The following ADGRB1 variants were observed in gnomAD, a reference collection of about 807,000 sequenced individuals.
The protein encoded by ADGRB1 is brain-specific angiogenesis inhibitor 1.
Under a neutral mutation model 175.7 loss-of-function variants are expected in ADGRB1, and 36 were observed. That is an observed-to-expected ratio of 0.20 (90% CI 0.16 to 0.27). The LOEUF (loss-of-function observed/expected upper bound fraction) is 0.27. ADGRB1 is among the 10% of genes least tolerant of loss of function. The probability of loss-of-function intolerance (pLI) is 1.00; values close to 1 mark genes in which losing one functional copy is unlikely to be tolerated. For missense variants in ADGRB1, 1,731 were observed against 2,255.3 expected, an observed-to-expected ratio of 0.77 and a Z score of 4.71; for synonymous variants, 1,054 against 979.4, an observed-to-expected ratio of 1.08 and a Z score of -1.42.
At chr8:142,494,079 C>T (rs1011863023) in intron 17 of ADGRB1, among the ~76,000 whole-genome samples, 2 of 152,120 alleles carry the variant, frequency 1.3e-5, no homozygotes, top group African/African-American at 4.8e-5. Flanking sequence ...GTGAGGAGCA[C>T]AGTGGTTTGT....
At position 142,492,528 on chromosome 8, in the gene ADGRB1, G is replaced by A. The variant is rs1264491640; in HGVS notation, c.2675+1713G>A. On this transcript the variant is annotated intron_variant, in intron 17 of 30. Coordinates refer to ENST00000517894, the MANE Select transcript of ADGRB1 (RefSeq NM_001702.3). This position sits in a 1 kb window ranked among gnomAD's most constrained non-coding sequence, Gnocchi z 4.4. ...AGAGGCCTGGCAAGCACAGCTCTGC[G>A]TGTGAGTGTCTGGGGATGAGCGTCG... is the stretch of plus-strand genomic sequence containing the variant. Among the ~76,000 whole-genome samples the A allele has an allele frequency of 4.6e-5, 7 of 152,196 alleles. No individual in the cohort carries two copies. Among genetic ancestry groups the A allele is most frequent in the East Asian group, 1.9e-4 (1 of 5,174 alleles).
In ADGRB1 at chr8:142,544,612, G is replaced by A. The variant is rs958667802; in HGVS notation, c.*195G>A. The A allele has an allele frequency of 1.5e-5, 9 of 581,776 alleles. No individual in the cohort carries two copies. Among genetic ancestry groups the A allele is most frequent in the African/African-American group, 2.0e-5 (1 of 50,428 alleles). 36.0% of individuals were successfully genotyped at this position (581,776 alleles called of 1,614,324 possible). A position where few individuals can be genotyped will look rare whatever the true frequency, so the allele number is the denominator to read the frequency against. On this transcript the variant is annotated 3_prime_UTR_variant, in exon 31 of 31. Coordinates refer to ENST00000517894, the MANE Select transcript of ADGRB1 (RefSeq NM_001702.3). ...CCAGATGCAGGACAGGAGGCGGCCC[G>A]GCCAGCGGGCACAGGGCACCAGAGG...
Position 142,492,122 on chromosome 8 carries a change from A to G in ADGRB1, c.2675+1307A>G, listed in dbSNP as rs1256311311. 6.6e-6 allele frequency among the ~76,000 whole-genome samples: 1 copy of G among 151,092 alleles called. No homozygotes were observed. Among genetic ancestry groups the G allele is most frequent in the Non-Finnish European group, 1.5e-5 (1 of 67,764 alleles). ...TGTTCTTTAATCTATACCCACTGCCACCACCCTCCACCCACCAACCATCAA... is the reference window on the plus strand; with the variant it reads ...TGTTCTTTAATCTATACCCACTGCCGCCACCCTCCACCCACCAACCATCAA... On this transcript the variant is annotated intron_variant, in intron 17 of 30. Transcript: ENST00000517894. This position sits in a 1 kb window ranked among gnomAD's most constrained non-coding sequence, Gnocchi z 4.4.
rs938192062 is a variant in ADGRB1, at chr8:142,510,989, G to T, written c.2733G>T (p.Thr911=). The change falls in exon 18 of 31, where the codon ACG becomes ACT. Residue 911 remains threonine (T), a synonymous_variant. Coordinates refer to ENST00000517894, the MANE Select transcript of ADGRB1 (RefSeq NM_001702.3). This position sits in a 1 kb window ranked among gnomAD's most constrained non-coding sequence, Gnocchi z 6.3. The part of the protein sequence containing the change: ...LGPWSWRGCR[T]VPLDALRTRC... The stretch of plus-strand genomic sequence containing the variant: ...CCTGGTCGTGGCGCGGCTGCCGCAC[G>T]GTGCCCCTCGACGCCCTCCGGACGC... 2.3e-6 allele frequency: 3 copies of T among 1,290,220 alleles called. No homozygotes were observed. Among genetic ancestry groups the T allele is most frequent in the East Asian group, 5.1e-5 (1 of 19,760 alleles). 79.9% of individuals were successfully genotyped at this position (1,290,220 alleles called of 1,614,324 possible). A position where few individuals can be genotyped will look rare whatever the true frequency, so the allele number is the denominator to read the frequency against.
chr8:142,505,915 G>C (rs1293687255), intron 17 of ADGRB1, among the ~76,000 whole-genome samples: 1 of 152,196 alleles, frequency 6.6e-6, no homozygotes, highest in Non-Finnish European at 1.5e-5. Context: ...AGGGAGGTGG[G>C]GGAGGTGAAG....
chr8:142,518,164 G>A lies in ADGRB1; in HGVS notation c.2844G>A (p.Ser948=), dbSNP rs771132777. 8.7e-6 allele frequency: 14 copies of A among 1,613,720 alleles called. No individual in the cohort carries two copies. Among genetic ancestry groups the A allele is most frequent in the Middle Eastern group, 3.3e-4 (2 of 6,062 alleles). Residue 948 remains serine (S), a synonymous_variant, in exon 19 of 31, where the codon TCG becomes TCA. Coordinates refer to ENST00000517894, the MANE Select transcript of ADGRB1 (RefSeq NM_001702.3). ...DANMEKATLP[S]VTLIVGCGVS... Reference sequence around the variant, plus strand: ...ACATGGAGAAGGCGACTCTGCCGTCGGTGACGCTCATCGTGGGCTGTGGCG... The same window carrying A: ...ACATGGAGAAGGCGACTCTGCCGTCAGTGACGCTCATCGTGGGCTGTGGCG...
chr8:142,541,925 C>T lies in ADGRB1; in HGVS notation c.3707-16C>T. ...CCCCACACCTGTCCCCGCTGTCTCC[C>T]CCGCGGCCCCTGCAGTGCTGAACAA... On this transcript the variant is annotated splice_polypyrimidine_tract_variant and intron_variant, in intron 27 of 30. Transcript: ENST00000517894. 6.5e-7 allele frequency: 1 copy of T among 1,532,720 alleles called. No individual in the cohort carries two copies. Among genetic ancestry groups the T allele is most frequent in the Non-Finnish European group, 8.8e-7 (1 of 1,142,014 alleles). 94.9% of individuals were successfully genotyped at this position (1,532,720 alleles called of 1,614,324 possible).
intron 17 of ADGRB1, among the ~76,000 whole-genome samples, chr8:142,505,179 G>T (rs1000907038): frequency 6.6e-6 from 1 of 152,210 alleles, no homozygotes; most frequent in African/African-American, 2.4e-5. Context: ...CAGGTGCGGG[G>T]TGAGGATCTG....
In ADGRB1 at chr8:142,520,916, C is replaced by T. The variant is rs1843799223; in HGVS notation, c.3015C>T (p.Thr1005=). 2 of 1,613,182 alleles carry T rather than the reference C, an allele frequency of 1.2e-6. No homozygotes were observed. Among genetic ancestry groups the T allele is most frequent in the African/African-American group, 1.3e-5 (1 of 75,022 alleles). ...TCATCCTCATCGGGCAGACCCAGAC[C>T]CGCAACAAGGTAGGCAGCCTTGCGT... ...NALILIGQTQ[T]RNKVVCTLVA... Residue 1005 remains threonine, a synonymous_variant, in exon 20 of 31, where the codon ACC becomes ACT. Coordinates refer to ENST00000517894, the MANE Select transcript of ADGRB1 (RefSeq NM_001702.3).
chr8:142,513,663 C>T (rs1230844073), intron 18 of ADGRB1, among the ~76,000 whole-genome samples: 1 of 152,170 alleles, frequency 6.6e-6, no homozygotes, highest in Non-Finnish European at 1.5e-5. Flanking sequence ...GCTCTGGGTG[C>T]ATGGCCACAG....
intron 24 of ADGRB1, among the ~76,000 whole-genome samples, chr8:142,526,835 G>C (rs1040238096): frequency 6.6e-6 from 1 of 152,242 alleles, no homozygotes; most frequent in African/African-American, 2.4e-5. Flanking sequence ...TTCTCCATCT[G>C]ACCTGGACAG....
chr8:142,526,503 G>GGGCCCCC, intron 23 of ADGRB1, 39 bp from the exon 24 acceptor site: 1 of 1,259,274 alleles, frequency 7.9e-7, no homozygotes, highest in Non-Finnish European at 1.1e-6. Context: ...GCCTACGGCG[G>GGGCCCCC]CCCCCACCCC....
rs114963901 is a variant in ADGRB1, at chr8:142,514,375, C to T, written c.2817+3302C>T. Among the ~76,000 whole-genome samples the T allele has an allele frequency of 6.2e-3, 946 of 152,252 alleles. 16 individuals carry two copies. The highest frequency in any genetic ancestry group is 0.021 in the African/African-American group (893 of 41,542). ...GCGCAGATGCGGGCTGCGCAGATGC[C>T]GGCTCTGCGGCTGCAGCAGGCCTAC... On this transcript the variant is annotated intron_variant, in intron 18 of 30. Coordinates refer to ENST00000517894, the MANE Select transcript of ADGRB1 (RefSeq NM_001702.3).
intron 27 of ADGRB1, chr8:142,539,698 G>A: frequency 2.5e-5 from 14 of 551,088 alleles, no homozygotes; most frequent in Admixed American, 6.5e-5. Flanking sequence ...TGCCTGTGGA[G>A]CGCCTGGCTG....
intron 3 of ADGRB1, 59 bp from the exon 4 acceptor site, chr8:142,476,526 C>G: frequency 6.8e-7 from 1 of 1,475,288 alleles, no homozygotes; most frequent in Non-Finnish European, 9.2e-7. Context: ...ACTGTGGCCA[C>G]AGAGAGAGAG....
At chr8:142,513,272 C>G (rs554097171) in intron 18 of ADGRB1, among the ~76,000 whole-genome samples, 2 of 152,300 alleles carry the variant, frequency 1.3e-5, no homozygotes, top group African/African-American at 4.8e-5. Context: ...GCCGCAAGGG[C>G]AGACCATGTG....
chr8:142,526,420 G>T (rs1844193040), intron 23 of ADGRB1, 122 bp from the exon 24 acceptor site: 2 of 853,612 alleles, frequency 2.3e-6, no homozygotes, highest in Non-Finnish European at 3.8e-6. Context: ...GGAGGCACGG[G>T]AGGTGACCCT....
chr8:142,489,215 TG>T (rs1841864941), intron 15 of ADGRB1, 105 bp downstream of exon 15: 1 of 1,545,104 alleles, frequency 6.5e-7, no homozygotes, highest in East Asian at 2.3e-5. Context: ...TGGAGGAGTG[TG>T]GATGATGGGC....
intron 17 of ADGRB1, among the ~76,000 whole-genome samples, chr8:142,502,273 G>A (rs1468557049): frequency 5.5e-5 from 8 of 144,632 alleles, no homozygotes; most frequent in Non-Finnish European, 9.2e-5. Context: ...ATGGGGTGGC[G>A]GTAATGATTG....
Sources: gnomAD v4.1 joint callset for allele counts (sites outside exome capture counted in the v4.1 genomes callset) on GRCh38, gnomAD v4.1.1 for gene constraint, Gnocchi (gnomAD v3.1) non-coding constraint, MANE v1.5 for transcripts, NCBI Gene and HGNC (gene_info 2026-07-23, HGNC 2026-07-21) for gene names.